The following C11orf65 variants were observed in gnomAD, a reference collection of about 807,000 sequenced individuals.
The protein encoded by C11orf65 is chromosome 11 open reading frame 65.
A neutral mutation model predicts 35.3 loss-of-function variants in C11orf65; 38 were observed. The observed-to-expected ratio is 1.08, with a 90% CI of 0.83 to 1.41. C11orf65 has a LOEUF of 1.41. Among genes scored for constraint, C11orf65 ranks in the 40% most tolerant of loss-of-function variants. The pLI is 0.00. For synonymous variants in C11orf65, 105 were observed against 114.4 expected, an observed-to-expected ratio of 0.92 and a Z score of 0.53; for missense variants, 370 against 367.1, an observed-to-expected ratio of 1.01 and a Z score of -0.06.
intron 3 of C11orf65, among the ~76,000 whole-genome samples, chr11:108,407,542 A>G (rs1472770177): frequency 6.6e-6 from 1 of 151,030 alleles, no homozygotes; most frequent in Non-Finnish European, 1.5e-5. Context: ...CTGGTCTCGA[A>G]TTCTTGGCCT....
rs587779853 is a variant in C11orf65 at position 108,316,075 on chromosome 11, G to T, written c.641-7004C>A. 8.1e-6 allele frequency: 13 copies of T among 1,614,012 alleles called. No homozygotes were observed. In the African/African-American group the frequency reaches 1.7e-4, roughly 22 times the overall value. On this transcript the variant is annotated intron_variant, in intron 6 of 6. Coordinates refer to the C11orf65 transcript ENST00000525729. ...CCTAGTAACATATGACCTCGAAACAGCAATCCCCTCATCAACACGCCAGGC... is the reference window on the plus strand; with the variant it reads ...CCTAGTAACATATGACCTCGAAACATCAATCCCCTCATCAACACGCCAGGC...
intron 6 of C11orf65, chr11:108,317,246 T>C: frequency 1.0e-6 from 1 of 953,966 alleles, no homozygotes; most frequent in Non-Finnish European, 1.6e-6. Flanking sequence ...GCTGATATTT[T>C]GGGATTTTAA....
At chr11:108,318,840 AAATT>A (rs2084973717) in intron 6 of C11orf65, among the ~76,000 whole-genome samples, 1 of 152,162 alleles carries the variant, frequency 6.6e-6, no homozygotes, top group Non-Finnish European at 1.5e-5. Flanking sequence ...AAACCCTAAA[AAATT>A]AATTATGTTT....
intron 3 of C11orf65, among the ~76,000 whole-genome samples, chr11:108,408,703 T>TAAA (rs1241934982): frequency 1.6e-5 from 2 of 125,352 alleles, no homozygotes; most frequent in Non-Finnish European, 3.3e-5. Context: ...TAAAATAAAA[T>TAAA]AAAATAAAAT....
intron 2 of C11orf65, chr11:108,366,335 G>GT (rs1162727666): frequency 4.7e-6 from 1 of 211,268 alleles, no homozygotes. Flanking sequence ...TTCAGAAATT[G>GT]TTTTTCATTT....
chr11:108,341,937 G>A (rs2087629828), intron 2 of C11orf65, among the ~76,000 whole-genome samples: 1 of 152,198 alleles, frequency 6.6e-6, no homozygotes, highest in South Asian at 2.1e-4. Context: ...AGGTGAAGAT[G>A]TATCTCTGGC....
chr11:108,443,677 G>T (rs113016658), intron 2 of C11orf65, among the ~76,000 whole-genome samples: 1 of 151,942 alleles, frequency 6.6e-6, no homozygotes, highest in Non-Finnish European at 1.5e-5. Context: ...ACTCAAAACC[G>T]CTCAACTACA....
Position 108,335,956 on chromosome 11 carries a change from T to TA in C11orf65, c.227-665dup. 6.2e-7 allele frequency: 1 copy of TA among 1,601,372 alleles called. No homozygotes were observed. The highest frequency in any genetic ancestry group is 1.1e-5 in the South Asian group (1 of 90,844). On this transcript the variant is annotated intron_variant, in intron 2 of 3. Coordinates refer to the C11orf65 transcript ENST00000524755. ...GAAGAGGAAATTAACTATCTGTACT[T>TA]ATAAGGTAACTATTTGTACTTCTGT...
At position 108,321,349 on chromosome 11, in the gene C11orf65, T is replaced by C. The variant is rs1204851027; in HGVS notation, c.641-12278A>G. The C allele has an allele frequency of 2.5e-6, 4 of 1,614,234 alleles. No individual in the cohort carries two copies. The South Asian group carries it at 4.4e-5, about 18-fold the overall frequency. On this transcript the variant is annotated intron_variant, in intron 6 of 6. Transcript: ENST00000525729. Reference sequence around the variant, plus strand: ...GTAAGCGCAGCCTTGAGTCTGTGTATTCGCTCTATCCCACACTTAGCAGGT... The same window carrying C: ...GTAAGCGCAGCCTTGAGTCTGTGTACTCGCTCTATCCCACACTTAGCAGGT...
chr11:108,440,917 A>C (rs1297020604), intron 2 of C11orf65, among the ~76,000 whole-genome samples: 3 of 152,206 alleles, frequency 2.0e-5, no homozygotes, highest in African/African-American at 7.2e-5. Context: ...GCAACGCAGA[A>C]GACAGGTGAT....
At chr11:108,351,093 A>C (rs1479696065) in intron 2 of C11orf65, among the ~76,000 whole-genome samples, 1 of 152,266 alleles carries the variant, frequency 6.6e-6, no homozygotes, top group Non-Finnish European at 1.5e-5. Context: ...ATGAATAATA[A>C]CACACAATAT....
intron 6 of C11orf65, among the ~76,000 whole-genome samples, chr11:108,318,582 C>T (rs368378168): frequency 2.7e-5 from 4 of 149,776 alleles, no homozygotes; most frequent in South Asian, 2.1e-4. Context: ...CCAAGCTACT[C>T]GGGAGGCTGA....
At position 108,431,660 on chromosome 11, in the gene C11orf65, C is replaced by T; in HGVS notation, c.174+86G>A. 2.8e-6 allele frequency: 2 copies of T among 706,396 alleles called. 1 individual carries two copies. Among genetic ancestry groups the T allele is most frequent in the South Asian group, 8.4e-5 (2 of 23,772 alleles). The allele number at this position is 706,396 out of a possible 1,614,324, so 43.8% of individuals were successfully genotyped here. Reference sequence around the variant, plus strand: ...TAATAAAAACAGTTTTAAAAAGAAACAAATATGATGAGCACACTGAATTGA... The same window carrying T: ...TAATAAAAACAGTTTTAAAAAGAAATAAATATGATGAGCACACTGAATTGA... On this transcript the variant is annotated intron_variant, in intron 3 of 8. Coordinates refer to ENST00000393084, the MANE Select transcript of C11orf65 (RefSeq NM_152587.5).
chr11:108,314,256 C>A (rs1368374821), intron 6 of C11orf65, among the ~76,000 whole-genome samples: 1 of 152,094 alleles, frequency 6.6e-6, no homozygotes, highest in Non-Finnish European at 1.5e-5. Context: ...GCTGGGACTA[C>A]AGGCATGCCC....
At chr11:108,311,539 T>C (rs2084160017) in intron 6 of C11orf65, among the ~76,000 whole-genome samples, 1 of 151,770 alleles carries the variant, frequency 6.6e-6, no homozygotes, top group Non-Finnish European at 1.5e-5. Context: ...CTACTAAAAA[T>C]AAAAATAAAT....
intron 2 of C11orf65, among the ~76,000 whole-genome samples, chr11:108,446,685 A>C (rs927867316): frequency 1.3e-5 from 2 of 152,190 alleles, no homozygotes; most frequent in African/African-American, 4.8e-5. Context: ...ATCATGCCAA[A>C]ATGTAAAGAC....
chr11:108,341,883 G>C (rs752698198), intron 2 of C11orf65, among the ~76,000 whole-genome samples: 3 of 152,112 alleles, frequency 2.0e-5, no homozygotes, highest in Non-Finnish European at 2.9e-5. Flanking sequence ...ATATAAATCG[G>C]TACAGTCACT....
chr11:108,429,451 T>C (rs2092954755), intron 3 of C11orf65, among the ~76,000 whole-genome samples: 1 of 152,032 alleles, frequency 6.6e-6, no homozygotes, highest in African/African-American at 2.4e-5. Context: ...ATTAAGAGAG[T>C]GACAAGCCAC....
chr11:108,442,549 G>GA, intron 2 of C11orf65, among the ~76,000 whole-genome samples: 1 of 152,218 alleles, frequency 6.6e-6, no homozygotes, highest in African/African-American at 2.4e-5. Flanking sequence ...TGAAATGAAG[G>GA]AAAAAATATT....
Sources: gnomAD v4.1 joint callset for allele counts (sites outside exome capture counted in the v4.1 genomes callset) on GRCh38, gnomAD v4.1.1 for gene constraint, MANE v1.5 for transcripts, NCBI Gene and HGNC (gene_info 2026-07-23, HGNC 2026-07-21) for gene names.